AIMP1: variants seen among roughly 807,000 people sequenced by gnomAD.
The protein encoded by AIMP1 is aminoacyl tRNA synthetase complex interacting multifunctional protein 1, also known as aminoacyl tRNA synthase complex-interacting multifunctional protein 1.
In AIMP1, 24 loss-of-function variants were observed where a neutral mutation model predicts 33.1. The ratio of observed to expected loss-of-function variants is 0.73; its 90% CI spans 0.53 to 1.02. The LOEUF (loss-of-function observed/expected upper bound fraction) is 1.02, where lower values mean the gene tolerates loss of function less well. AIMP1 is among the 50% of genes least tolerant of loss of function. AIMP1 has a pLI of 0.00. For synonymous variants in AIMP1, 120 were observed against 121.5 expected, an observed-to-expected ratio of 0.99 and a Z score of 0.08; for missense variants, 367 against 364.8, an observed-to-expected ratio of 1.01 and a Z score of -0.05.
At chr4:106,334,612 T>G (rs1238859938) in intron 5 of AIMP1, among the ~76,000 whole-genome samples, 3 of 152,124 alleles carry the variant, frequency 2.0e-5, no homozygotes, top group Admixed American at 2.0e-4. Flanking sequence ...AGCTCACATT[T>G]GTATAAGGGA....
intron 2 of AIMP1, among the ~76,000 whole-genome samples, chr4:106,325,741 T>G (rs1193711391): frequency 1.3e-5 from 2 of 152,118 alleles, no homozygotes; most frequent in Non-Finnish European, 2.9e-5. Context: ...TTAGTCATAT[T>G]GCTCCCAATT....
intron 1 of AIMP1, among the ~76,000 whole-genome samples, chr4:106,317,962 T>G (rs946268990): frequency 1.3e-5 from 2 of 152,150 alleles, no homozygotes; most frequent in Non-Finnish European, 2.9e-5. Flanking sequence ...TTTTTAAATT[T>G]TATGGACTCT....
intron 4 of AIMP1, 103 bp from the exon 5 acceptor site, chr4:106,331,568 AT>A: frequency 1.0e-6 from 1 of 953,640 alleles, no homozygotes; most frequent in Non-Finnish European, 1.6e-6. Flanking sequence ...CATTCTTTTT[AT>A]TTTTTCCTTT....
intron 1 of AIMP1, among the ~76,000 whole-genome samples, chr4:106,321,655 TGAG>T (rs968335374): frequency 4.6e-5 from 7 of 151,886 alleles, no homozygotes; most frequent in Non-Finnish European, 8.8e-5. Flanking sequence ...ATCTGGGAAG[TGAG>T]GAGCCCCTCT....
chr4:106,320,766 C>T (rs1769186420), intron 1 of AIMP1, among the ~76,000 whole-genome samples: 1 of 152,136 alleles, frequency 6.6e-6, no homozygotes. Context: ...CTCTCCCTCT[C>T]CCTCTCCGCA....
At chr4:106,335,763 T>A (rs939909049) in intron 5 of AIMP1, among the ~76,000 whole-genome samples, 1 of 152,036 alleles carries the variant, frequency 6.6e-6, no homozygotes, top group African/African-American at 2.4e-5. Context: ...AGAGTAAATT[T>A]GCATATAACA....
chr4:106,332,727 T>G (rs1316930433), intron 5 of AIMP1, among the ~76,000 whole-genome samples: 1 of 151,316 alleles, frequency 6.6e-6, no homozygotes, highest in East Asian at 1.9e-4. Flanking sequence ...TACTCATTTA[T>G]CTCACTCTGA....
intron 1 of AIMP1, among the ~76,000 whole-genome samples, chr4:106,319,027 T>C (rs956302189): frequency 2.6e-5 from 4 of 152,176 alleles, no homozygotes; most frequent in African/African-American, 7.2e-5. Context: ...AGATTTCTTG[T>C]ATAGTATTTA....
intron 6 of AIMP1, among the ~76,000 whole-genome samples, chr4:106,337,759 G>A (rs1433166862): frequency 6.6e-6 from 1 of 152,192 alleles, no homozygotes; most frequent in East Asian, 1.9e-4. Flanking sequence ...ATGTGGAACA[G>A]TTTGGGACTT....
At chr4:106,334,269 CTTTTTTCTTTTTTTTT>C (rs1267274822) in intron 5 of AIMP1, among the ~76,000 whole-genome samples, 1 of 139,248 alleles carries the variant, frequency 7.2e-6, no homozygotes, top group African/African-American at 2.7e-5. Context: ...AGATAAATTT[CTTTTTTCTTTTTTTTT>C]TTTTTTGGAG....
At chr4:106,326,328 C>T (rs1769452090) in intron 2 of AIMP1, among the ~76,000 whole-genome samples, 1 of 152,146 alleles carries the variant, frequency 6.6e-6, no homozygotes. Context: ...CTATAAAGTT[C>T]TGCAGGATGT....
chr4:106,344,349 C>G (rs962096253), intron 6 of AIMP1, among the ~76,000 whole-genome samples: 4 of 152,122 alleles, frequency 2.6e-5, no homozygotes, highest in Non-Finnish European at 5.9e-5. Context: ...TCCCCCTAGA[C>G]TTTCATTTTT....
intron 1 of AIMP1, among the ~76,000 whole-genome samples, chr4:106,317,956 TA>T (rs1323034343): frequency 1.3e-5 from 2 of 152,176 alleles, no homozygotes; most frequent in Admixed American, 1.3e-4. Context: ...TACTCCTTTT[TA>T]AATTTTATGG....
chr4:106,323,957 T>C (rs986445212), intron 1 of AIMP1, among the ~76,000 whole-genome samples: 3 of 152,072 alleles, frequency 2.0e-5, no homozygotes, highest in Non-Finnish European at 2.9e-5. Context: ...GATTTAAGTA[T>C]AGACTGATGC....
At chr4:106,316,484 T>A, upstream of AIMP1, 1 of 1,505,242 alleles carries the variant, frequency 6.6e-7, no homozygotes, top group Non-Finnish European at 9.1e-7. Context: ...ACACTCAGGC[T>A]TTCAGCAAGG....
chr4:106,321,004 T>C (rs1769201005), intron 1 of AIMP1, among the ~76,000 whole-genome samples: 1 of 152,218 alleles, frequency 6.6e-6, no homozygotes, highest in Non-Finnish European at 1.5e-5. Flanking sequence ...AGCCTCGGCG[T>C]CCTGAGGTGC....
intron 3 of AIMP1, 86 bp from the exon 4 acceptor site, chr4:106,327,990 A>C: frequency 1.3e-6 from 2 of 1,552,670 alleles, no homozygotes; most frequent in East Asian, 2.3e-5. Context: ...ATTTAAAAAG[A>C]GTTCCCATTT....
chr4:106,323,000 A>T (rs558024427), intron 1 of AIMP1, among the ~76,000 whole-genome samples: 21 of 151,912 alleles, frequency 1.4e-4, no homozygotes, highest in Admixed American at 7.9e-4. Flanking sequence ...AAAAAAAAAA[A>T]GTTTTATCAC....
At chr4:106,330,787 G>A (rs962657741) in intron 4 of AIMP1, among the ~76,000 whole-genome samples, 4 of 152,120 alleles carry the variant, frequency 2.6e-5, no homozygotes, top group Non-Finnish European at 5.9e-5. Context: ...AGCTACAATA[G>A]CTTATCTCTG....
Sources: allele counts gnomAD v4.1 joint callset (sites outside exome capture counted in the v4.1 genomes callset), GRCh38; gene constraint gnomAD v4.1.1; transcripts MANE v1.5; gene names NCBI Gene and HGNC (gene_info 2026-07-23, HGNC 2026-07-21).